The following FAM135B variants were observed in gnomAD, a reference collection of about 807,000 sequenced individuals.
FAM135B encodes the protein family with sequence similarity 135 member B.
In FAM135B, 43 loss-of-function variants were observed where a neutral mutation model predicts 127.7. The ratio of observed to expected loss-of-function variants is 0.34; its 90% confidence interval spans 0.26 to 0.43. FAM135B has a LOEUF of 0.43. FAM135B is among the 20% of genes least tolerant of loss of function. The pLI, the probability that FAM135B is intolerant of heterozygous loss-of-function variation, is 1.00. For missense variants in FAM135B, 1,558 were observed against 1,725.6 expected (o/e 0.90, Z 1.72); for synonymous variants, 670 against 665.1 (o/e 1.01, Z -0.11).
intron 3 of FAM135B, among the ~76,000 whole-genome samples, chr8:138,275,600 T>A (rs771088186): frequency 6.6e-6 from 1 of 152,024 alleles, no homozygotes; most frequent in African/African-American, 2.4e-5. Flanking sequence ...AAAGCTGAGG[T>A]TGGAAGATCT....
intron 1 of FAM135B, among the ~76,000 whole-genome samples, chr8:138,382,716 C>A (rs751989765): frequency 4.3e-4 from 66 of 152,284 alleles, no homozygotes; most frequent in Middle Eastern, 3.4e-3. Flanking sequence ...GTAGCTGCTA[C>A]TATTCTTAAC....
intron 3 of FAM135B, among the ~76,000 whole-genome samples, chr8:138,292,946 C>T (rs1825220943): frequency 6.6e-6 from 1 of 152,066 alleles, no homozygotes; most frequent in Non-Finnish European, 1.5e-5. Context: ...ATAGCCCAAG[C>T]TATCCTAAGC....
At chr8:138,139,228 T>C in intron 17 of FAM135B, 132 bp from the exon 18 acceptor site, 1 of 586,234 alleles carries the variant, frequency 1.7e-6, no homozygotes, top group Non-Finnish European at 3.0e-6. Context: ...GTAGGCATAC[T>C]AGCAAATAGT....
chr8:138,463,555 T>G (rs929208331), intron 1 of FAM135B, among the ~76,000 whole-genome samples: 5 of 152,150 alleles, frequency 3.3e-5, no homozygotes, highest in African/African-American at 1.2e-4. Flanking sequence ...GGTAAATGGC[T>G]TGTCTGGGTG....
intron 9 of FAM135B, 37 bp from the exon 10 acceptor site, chr8:138,178,727 AC>A: frequency 6.2e-7 from 1 of 1,604,030 alleles, no homozygotes; most frequent in Non-Finnish European, 8.5e-7. Flanking sequence ...AAGGCTCCTG[AC>A]TCCATGAAGT....
chr8:138,480,049 G>C (rs2131679550), intron 1 of FAM135B, among the ~76,000 whole-genome samples: 1 of 152,296 alleles, frequency 6.6e-6, no homozygotes, highest in Non-Finnish European at 1.5e-5. Flanking sequence ...GGTGCCAACT[G>C]TGCTGGCAGG....
intron 1 of FAM135B, among the ~76,000 whole-genome samples, chr8:138,453,667 G>A (rs1269596797): frequency 6.6e-6 from 1 of 152,144 alleles, no homozygotes; most frequent in Middle Eastern, 3.2e-3. Flanking sequence ...GAACCAGCAG[G>A]GTCCATATTG....
chr8:138,175,359 C>T (rs1170493995), intron 11 of FAM135B, among the ~76,000 whole-genome samples: 1 of 150,584 alleles, frequency 6.6e-6, no homozygotes, highest in African/African-American at 2.4e-5. Flanking sequence ...ATATCAGAAT[C>T]TTTATGACAA....
intron 1 of FAM135B, among the ~76,000 whole-genome samples, chr8:138,406,366 T>A (rs1449449740): frequency 6.6e-6 from 1 of 152,008 alleles, no homozygotes; most frequent in South Asian, 2.1e-4. Context: ...CTGAAACTAT[T>A]CCAATCAATA....
At chr8:138,190,469 C>T (rs528167355) in intron 9 of FAM135B, among the ~76,000 whole-genome samples, 1 of 152,210 alleles carries the variant, frequency 6.6e-6, no homozygotes, top group African/African-American at 2.4e-5. Flanking sequence ...AATACCAACA[C>T]AACAGACAGC....
intron 7 of FAM135B, among the ~76,000 whole-genome samples, chr8:138,210,881 C>A (rs1425999747): frequency 1.3e-5 from 2 of 152,124 alleles, no homozygotes; most frequent in Non-Finnish European, 2.9e-5. Context: ...CCATGTAGCC[C>A]CTCATAAACT....
chr8:138,464,356 T>C (rs77389201), intron 1 of FAM135B, among the ~76,000 whole-genome samples: 4,562 of 152,236 alleles, frequency 0.03, 178 homozygotes, highest in African/African-American at 0.089. Context: ...AATAACCTCC[T>C]TTCAGATCCA....
chr8:138,200,671 AATACTACCC>A (rs1286547592), intron 7 of FAM135B, among the ~76,000 whole-genome samples: 2 of 152,198 alleles, frequency 1.3e-5, no homozygotes, highest in African/African-American at 4.8e-5. Flanking sequence ...ATTCTTCTGG[AATACTACCC>A]ATCTATGCTT....
chr8:138,492,189 T>C (rs1278141322), intron 1 of FAM135B, among the ~76,000 whole-genome samples: 1 of 151,940 alleles, frequency 6.6e-6, no homozygotes, highest in Non-Finnish European at 1.5e-5. Context: ...TGCCTTCTTC[T>C]CTCACGGTGG....
intron 7 of FAM135B, among the ~76,000 whole-genome samples, chr8:138,226,608 C>G (rs929149762): frequency 2.6e-5 from 4 of 152,100 alleles, no homozygotes; most frequent in African/African-American, 9.7e-5. Context: ...GTAGTGGAGG[C>G]TGGAGTGCAG....
At chr8:138,350,607 G>A (rs991223027) in intron 2 of FAM135B, among the ~76,000 whole-genome samples, 2 of 152,094 alleles carry the variant, frequency 1.3e-5, no homozygotes, top group Non-Finnish European at 2.9e-5. Flanking sequence ...AAGGACTAAT[G>A]TTCCATTGAA....
intron 1 of FAM135B, chr8:138,437,127 A>T (rs1173053966): frequency 6.6e-6 from 1 of 152,212 alleles, no homozygotes; most frequent in Non-Finnish European, 1.5e-5. Flanking sequence ...TCTCTTAATG[A>T]CAGGAATGTG....
At chr8:138,239,920 G>T (rs1434398427) in intron 7 of FAM135B, among the ~76,000 whole-genome samples, 1 of 146,988 alleles carries the variant, frequency 6.8e-6, no homozygotes, top group South Asian at 2.2e-4. Flanking sequence ...AACACCGCAT[G>T]TTCTCACTCA....
At chr8:138,179,941 G>T (rs1001390521) in intron 9 of FAM135B, among the ~76,000 whole-genome samples, 1 of 152,098 alleles carries the variant, frequency 6.6e-6, no homozygotes, top group African/African-American at 2.4e-5. Context: ...TCAGAGTGTT[G>T]GGATTACACG....
Sources: allele counts gnomAD v4.1 joint callset (sites outside exome capture counted in the v4.1 genomes callset), GRCh38; gene constraint gnomAD v4.1.1; transcripts MANE v1.5; gene names NCBI Gene and HGNC (gene_info 2026-07-23, HGNC 2026-07-21).